Variants in PDE4A observed in about 807,000 individuals in gnomAD.
PDE4A encodes the protein phosphodiesterase 4A.
In PDE4A, 21 loss-of-function variants were observed where a neutral mutation model predicts 73.9. That is an observed-to-expected ratio of 0.28 (90% CI 0.20 to 0.41). The LOEUF is 0.41. Among genes scored for constraint, PDE4A ranks in the 10% least tolerant of loss-of-function variants. PDE4A has a pLI of 1.00. For synonymous variants in PDE4A, 463 were observed against 505.4 expected (o/e 0.92, Z 1.13); for missense variants, 958 against 1,211.4 (o/e 0.79, Z 3.10).
intron 1 of PDE4A, among the ~76,000 whole-genome samples, chr19:10,426,013 A>AAAGT (rs2042713617): frequency 7.2e-6 from 1 of 138,440 alleles, no homozygotes; most frequent in African/African-American, 3.1e-5. Context: ...AAAAAAAAAA[A>AAAGT]GGAAGGAGGG....
upstream of PDE4A, chr19:10,417,087 A>C: frequency 1.4e-6 from 2 of 1,480,672 alleles, no homozygotes; most frequent in Non-Finnish European, 1.8e-6. Flanking sequence ...ACGTGGCTTC[A>C]CTACCTCCAA....
chr19:10,429,035 G>A (rs1020597260), intron 1 of PDE4A: 3 of 237,030 alleles, frequency 1.3e-5, no homozygotes, highest in Non-Finnish European at 2.0e-5. Flanking sequence ...AACCTAGCAA[G>A]CAGAGGTTGC....
rs528944837 is a variant in PDE4A, at chr19:10,432,668, C to T, written c.320+11584C>T. On this transcript the variant is annotated intron_variant, in intron 1 of 14. Coordinates refer to ENST00000380702, the MANE Select transcript of PDE4A (RefSeq NM_001111307.2). Reference sequence around the variant, plus strand: ...GTGCTGAGTCTACCTGGGTGAGTCCCCTAAGTGGCTTCCAGGATCTGGCTG... The same window carrying T: ...GTGCTGAGTCTACCTGGGTGAGTCCTCTAAGTGGCTTCCAGGATCTGGCTG... 10 of 1,200,594 alleles carry T rather than the reference C, an allele frequency of 8.3e-6. 1 individual carries two copies. The South Asian group carries it at 1.4e-4, about 17-fold the overall frequency. The allele number at this position is 1,200,594 out of a possible 1,614,324, so 74.4% of individuals were successfully genotyped here.
At chr19:10,417,968 G>A (rs1251305328), upstream of PDE4A, 11 of 1,340,144 alleles carry the variant, frequency 8.2e-6, no homozygotes, top group Non-Finnish European at 1.0e-5. Flanking sequence ...GCTCCCTGCC[G>A]TTTGCAAAAC....
rs1472845101 is a variant in PDE4A, at chr19:10,466,313, C to T, written c.1927-574C>T. Among the ~76,000 whole-genome samples the T allele has an allele frequency of 4.0e-5, 6 of 148,156 alleles. No individual in the cohort carries two copies. The South Asian group carries it at 6.5e-4, about 16-fold the overall frequency. On this transcript the variant is annotated intron_variant, in intron 14 of 14. Coordinates refer to ENST00000380702, the MANE Select transcript of PDE4A (RefSeq NM_001111307.2). Reference sequence around the variant, plus strand: ...TAGAAAAATTAGCCAGGCACGATGGCGGGCGCCTGTAGTCCCAGCTACTCG... The same window carrying T: ...TAGAAAAATTAGCCAGGCACGATGGTGGGCGCCTGTAGTCCCAGCTACTCG...
At chr19:10,425,631 C>A (rs2042707430) in intron 1 of PDE4A, among the ~76,000 whole-genome samples, 1 of 152,142 alleles carries the variant, frequency 6.6e-6, no homozygotes. Flanking sequence ...CACAGTCTGG[C>A]AGGGTGAGAA....
chr19:10,466,213 G>A (rs1187660814), intron 14 of PDE4A, among the ~76,000 whole-genome samples: 2 of 150,082 alleles, frequency 1.3e-5, no homozygotes, highest in African/African-American at 4.9e-5. Context: ...TTGGGAGGCC[G>A]AGGTGGGCTG....
chr19:10,453,184 C>T lies in PDE4A; in HGVS notation c.784-1645C>T. ...CCACTACCCACCTGCCCGGCACCCC[C>T]TCCCCAGTGGTTGTTAACCCCGGGA... On this transcript the variant is annotated intron_variant, in intron 6 of 14. Coordinates refer to ENST00000380702, the MANE Select transcript of PDE4A (RefSeq NM_001111307.2). This position sits in a 1 kb window ranked among gnomAD's most constrained non-coding sequence, Gnocchi z 4.6. 6.7e-7 allele frequency: 1 copy of T among 1,493,940 alleles called. No individual in the cohort carries two copies. Among genetic ancestry groups the T allele is most frequent in the Non-Finnish European group, 8.9e-7 (1 of 1,118,110 alleles). The allele number at this position is 1,493,940 out of a possible 1,614,324, so 92.5% of individuals were successfully genotyped here.
chr19:10,432,630 T>TG (rs969233278), intron 1 of PDE4A: 125 of 1,432,782 alleles, frequency 8.7e-5, no homozygotes, highest in Middle Eastern at 2.1e-4. Flanking sequence ...CTGGCTGTGC[T>TG]GGGGGGGTGG....
chr19:10,436,881 AT>A (rs2042872166), intron 1 of PDE4A, among the ~76,000 whole-genome samples: 1 of 152,074 alleles, frequency 6.6e-6, no homozygotes, highest in Non-Finnish European at 1.5e-5. Flanking sequence ...TCTACTAAAA[AT>A]ACAAAAATTA....
intron 1 of PDE4A, among the ~76,000 whole-genome samples, chr19:10,428,260 A>G (rs1429534642): frequency 1.3e-5 from 2 of 151,974 alleles, no homozygotes; most frequent in Middle Eastern, 3.2e-3. Flanking sequence ...CAGGAAGCTG[A>G]GGTTGAAGGA....
upstream of PDE4A, chr19:10,417,480 A>G: frequency 1.0e-6 from 1 of 981,200 alleles, no homozygotes; most frequent in Non-Finnish European, 1.2e-6. Context: ...GGGCACTCTC[A>G]GACCTAAGGG....
At chr19:10,441,923 C>T (rs1175776594) in intron 1 of PDE4A, among the ~76,000 whole-genome samples, 1 of 151,866 alleles carries the variant, frequency 6.6e-6, no homozygotes, top group Non-Finnish European at 1.5e-5. Context: ...CTCCCGACCT[C>T]AGGTGATCTG....
At chr19:10,451,026 G>A in intron 6 of PDE4A, 85 bp downstream of exon 6, 1 of 1,327,648 alleles carries the variant, frequency 7.5e-7, no homozygotes, top group Non-Finnish European at 1.1e-6. Context: ...TGGGACCAGT[G>A]GGCGCGGCCT....
At chr19:10,419,825 A>C (rs940287444), upstream of PDE4A, among the ~76,000 whole-genome samples, 14 of 152,188 alleles carry the variant, frequency 9.2e-5, no homozygotes, top group Non-Finnish European at 4.4e-5. Flanking sequence ...AGGCCACCTG[A>C]AAAAAGACCA....
intron 4 of PDE4A, 181 bp from the exon 5 acceptor site, chr19:10,450,422 C>T (rs1215177850): frequency 4.5e-6 from 4 of 893,620 alleles, no homozygotes; most frequent in African/African-American, 1.8e-5. Flanking sequence ...TCAGTTTCCA[C>T]ATCTATAAAA....
chr19:10,450,501 T>A, intron 4 of PDE4A, 102 bp from the exon 5 acceptor site: 1 of 1,481,662 alleles, frequency 6.7e-7, no homozygotes, highest in Non-Finnish European at 8.9e-7. Flanking sequence ...CACGGTGAGT[T>A]TTCAGACAAA....
chr19:10,452,391 C>T (rs985463213), intron 6 of PDE4A, among the ~76,000 whole-genome samples: 1 of 150,448 alleles, frequency 6.6e-6, no homozygotes, highest in African/African-American at 2.5e-5. Context: ...GAGCCGAGAT[C>T]GTGCCATTGC....
At chr19:10,434,299 G>T (rs1281186845) in intron 1 of PDE4A, among the ~76,000 whole-genome samples, 1 of 150,658 alleles carries the variant, frequency 6.6e-6, no homozygotes. Flanking sequence ...CTGCCTCCCG[G>T]GTTCAAGCAA....
Sources: gnomAD v4.1 joint callset for allele counts (sites outside exome capture counted in the v4.1 genomes callset) on GRCh38, gnomAD v4.1.1 for gene constraint, Gnocchi (gnomAD v3.1) non-coding constraint, MANE v1.5 for transcripts, NCBI Gene and HGNC (gene_info 2026-07-23, HGNC 2026-07-21) for gene names.